Variants in RYR2 observed in about 807,000 individuals in gnomAD.
The protein encoded by RYR2 is cardiac muscle ryanodine receptor-calcium release channel.
RYR2 carries 227 observed loss-of-function variants against 601.1 expected under a neutral mutation model. The observed-to-expected ratio is 0.38, with a 90% CI of 0.34 to 0.42. The LOEUF is 0.42. RYR2 is among the 10% of genes least tolerant of loss of function. The pLI is 1.00. For synonymous variants in RYR2, 2,223 were observed against 2,175.1 expected, an observed-to-expected ratio of 1.02 and a Z score of -0.61; for missense variants, 4,646 against 6,156.5, an observed-to-expected ratio of 0.75 and a Z score of 8.21.
intron 8 of RYR2, among the ~76,000 whole-genome samples, chr1:237,378,231 C>T (rs1047574844): frequency 2.7e-4 from 41 of 152,130 alleles, no homozygotes; most frequent in African/African-American, 8.7e-4. Flanking sequence ...TACCTCCCAC[C>T]GGGTCCCTCC....
chr1:237,672,611 A>C (rs1168151583), intron 58 of RYR2, among the ~76,000 whole-genome samples: 1 of 152,194 alleles, frequency 6.6e-6, no homozygotes, highest in African/African-American at 2.4e-5. Context: ...GGGAGCATTC[A>C]AAAACTGCTC....
Position 237,345,744 on chromosome 1 carries a change from C to T in RYR2, c.274-10221C>T, listed in dbSNP as rs537407960. On this transcript the variant is annotated intron_variant, in intron 3 of 104. Coordinates refer to ENST00000366574, the MANE Select transcript of RYR2 (RefSeq NM_001035.3). ...GGTGGTACTCTAAGCTGAATATTTTCTAACAAAGTCTATCTATTATTATGT... is the reference window on the plus strand; with the variant it reads ...GGTGGTACTCTAAGCTGAATATTTTTTAACAAAGTCTATCTATTATTATGT... Among the ~76,000 whole-genome samples the T allele has an allele frequency of 8.8e-5, 13 of 147,606 alleles. No homozygotes were observed. In the South Asian group the frequency reaches 2.3e-3, roughly 26 times the overall value.
At position 237,788,278 on chromosome 1, in the gene RYR2, G is replaced by C. The variant is rs915801158; in HGVS notation, c.13476+143G>C. ...GCACATGTTTGATTTGCTCATTGTA[G>C]TGTGTTTATCTTTTATAGTGAATGT... On this transcript the variant is annotated intron_variant, in intron 92 of 104. Coordinates refer to ENST00000366574, the MANE Select transcript of RYR2 (RefSeq NM_001035.3). The C allele has an allele frequency of 3.0e-5, 19 of 629,270 alleles. No individual in the cohort carries two copies. The Admixed American group carries it at 3.7e-4, about 12-fold the overall frequency. The allele number at this position is 629,270 out of a possible 1,614,324, so 39.0% of individuals were successfully genotyped here. A position where few individuals can be genotyped will look rare whatever the true frequency, so the allele number is the denominator to read the frequency against.
chr1:237,142,962 G>A (rs191054848), intron 1 of RYR2, among the ~76,000 whole-genome samples: 10 of 152,052 alleles, frequency 6.6e-5, no homozygotes, highest in Admixed American at 3.9e-4. Context: ...AAAACTGGCC[G>A]GCTCTCAATA....
At chr1:237,719,211 C>T (rs7554072) in intron 73 of RYR2, among the ~76,000 whole-genome samples, 3,491 of 152,162 alleles carry the variant, frequency 0.023, 132 homozygotes, top group African/African-American at 0.08. Context: ...GAACCAAGAC[C>T]GTGCCACTGC....
chr1:237,727,648 A>T (rs1454118074), intron 76 of RYR2, among the ~76,000 whole-genome samples: 1 of 152,150 alleles, frequency 6.6e-6, no homozygotes, highest in African/African-American at 2.4e-5. Context: ...TAATGGGTTG[A>T]TGTATACAGA....
chr1:237,260,563 T>G (rs1192968831), intron 1 of RYR2, among the ~76,000 whole-genome samples: 1 of 152,154 alleles, frequency 6.6e-6, no homozygotes, highest in African/African-American at 2.4e-5. Context: ...TGGGGTGCCG[T>G]GGGTCACACC....
At chr1:237,799,043 A>AAGAT (rs1360325198) in intron 97 of RYR2, among the ~76,000 whole-genome samples, 2 of 152,222 alleles carry the variant, frequency 1.3e-5, no homozygotes, top group Non-Finnish European at 1.5e-5. Flanking sequence ...TAGCATTAAA[A>AAGAT]AGATAGTTTA....
intron 17 of RYR2, among the ~76,000 whole-genome samples, chr1:237,489,210 T>G (rs1663049954): frequency 6.6e-6 from 1 of 152,136 alleles, no homozygotes; most frequent in African/African-American, 2.4e-5. Flanking sequence ...TAAAAAATTG[T>G]CAAAAGACTT....
chr1:237,268,871 G>A, intron 1 of RYR2, among the ~76,000 whole-genome samples: 1 of 125,432 alleles, frequency 8.0e-6, no homozygotes, highest in East Asian at 2.9e-4. Context: ...AGGAGGCAGA[G>A]GTTACAGTGA....
At chr1:237,599,605 G>A (rs898861015) in intron 34 of RYR2, among the ~76,000 whole-genome samples, 4 of 152,058 alleles carry the variant, frequency 2.6e-5, no homozygotes, top group African/African-American at 9.7e-5. Context: ...TGGATCATCT[G>A]AGGTCAGGAG....
At chr1:237,511,010 T>G (rs141408364) in intron 23 of RYR2, among the ~76,000 whole-genome samples, 1 of 152,230 alleles carries the variant, frequency 6.6e-6, no homozygotes, top group East Asian at 1.9e-4. Context: ...AAAGTGTTTA[T>G]GTCAGTCAGT....
At chr1:237,214,499 C>CT (rs954034681) in intron 1 of RYR2, among the ~76,000 whole-genome samples, 157 of 152,210 alleles carry the variant, frequency 1.0e-3, no homozygotes, top group African/African-American at 3.7e-3. Context: ...GTCCCAGGCT[C>CT]TTTAACAGTC....
chr1:237,434,782 C>CT (rs1005168229), intron 12 of RYR2, among the ~76,000 whole-genome samples: 2 of 151,566 alleles, frequency 1.3e-5, no homozygotes, highest in African/African-American at 2.4e-5. Context: ...AAATATAAAA[C>CT]TTTTTTTTTG....
chr1:237,389,287 G>A (rs1352572956), intron 10 of RYR2, among the ~76,000 whole-genome samples: 1 of 152,194 alleles, frequency 6.6e-6, no homozygotes, highest in Admixed American at 6.5e-5. Context: ...TCTGGGAATA[G>A]CAATTATTCC....
intron 1 of RYR2, among the ~76,000 whole-genome samples, chr1:237,173,004 A>G (rs143283721): frequency 1.1e-3 from 170 of 152,314 alleles, no homozygotes; most frequent in African/African-American, 4.0e-3. Flanking sequence ...GCTGTTGGCA[A>G]TCATATAGCC....
chr1:237,830,689 C>T (rs911855432), intron 103 of RYR2, 59 bp downstream of exon 103: 26 of 818,592 alleles, frequency 3.2e-5, no homozygotes, highest in Non-Finnish European at 5.1e-5. Flanking sequence ...GGTCCCTGCC[C>T]ATCTCAGAAT....
intron 51 of RYR2, among the ~76,000 whole-genome samples, chr1:237,653,903 G>T (rs1682994931): frequency 6.6e-6 from 1 of 152,206 alleles, no homozygotes; most frequent in Non-Finnish European, 1.5e-5. Context: ...ATAAAGGCAA[G>T]TCAGGTTCTT....
chr1:237,088,448 T>C (rs1463415416), intron 1 of RYR2, among the ~76,000 whole-genome samples: 2 of 152,234 alleles, frequency 1.3e-5, no homozygotes, highest in South Asian at 2.1e-4. Context: ...TAAATGTGTA[T>C]TGGATGCCTC....
Sources: allele counts gnomAD v4.1 joint callset (sites outside exome capture counted in the v4.1 genomes callset), GRCh38; gene constraint gnomAD v4.1.1; transcripts MANE v1.5; gene names NCBI Gene and HGNC (gene_info 2026-07-23, HGNC 2026-07-21).